RPH3A: variants seen among roughly 807,000 people sequenced by gnomAD.
RPH3A encodes rabphilin-3A.
Under a neutral mutation model 102.2 loss-of-function variants are expected in RPH3A, and 48 were observed. That is an observed-to-expected ratio of 0.47 (90% confidence interval 0.37 to 0.60). The LOEUF (loss-of-function observed/expected upper bound fraction) is 0.60. Ranked by LOEUF, RPH3A falls within the 20% of genes least tolerant of loss-of-function variation. The pLI is 0.00. For synonymous variants in RPH3A, 310 were observed against 324.3 expected (o/e 0.96, Z 0.47); for missense variants, 781 against 910.1 (o/e 0.86, Z 1.83).
At chr12:112,850,989 T>C (rs2042313691) in intron 5 of RPH3A, 1 of 152,220 alleles carries the variant, frequency 6.6e-6, no homozygotes, top group Non-Finnish European at 1.5e-5. Context: ...AAATCGCCAA[T>C]GTAGCTGTGT....
At chr12:112,672,427 C>T (rs958968621) in intron 1 of RPH3A, among the ~76,000 whole-genome samples, 1 of 152,196 alleles carries the variant, frequency 6.6e-6, no homozygotes, top group African/African-American at 2.4e-5. Flanking sequence ...GGCACCATGG[C>T]CTAGCCATCA....
chr12:112,752,272 G>A (rs2040790266), intron 1 of RPH3A, among the ~76,000 whole-genome samples: 1 of 152,060 alleles, frequency 6.6e-6, no homozygotes, highest in African/African-American at 2.4e-5. Context: ...AAATGGTATG[G>A]CTCATAGAAA....
intron 1 of RPH3A, among the ~76,000 whole-genome samples, chr12:112,652,414 C>T (rs1258659811): frequency 6.6e-6 from 1 of 152,148 alleles, no homozygotes; most frequent in Non-Finnish European, 1.5e-5. Context: ...GAACTTGAGG[C>T]TGTCATGATC....
intron 2 of RPH3A, among the ~76,000 whole-genome samples, chr12:112,804,174 T>C (rs537689503): frequency 2.2e-4 from 34 of 152,294 alleles, no homozygotes; most frequent in African/African-American, 7.0e-4. Context: ...GATTGCAAGA[T>C]TAGTTAGGAA....
intron 1 of RPH3A, among the ~76,000 whole-genome samples, chr12:112,753,242 C>G (rs971967523): frequency 2.0e-5 from 3 of 152,126 alleles, no homozygotes; most frequent in African/African-American, 7.2e-5. Flanking sequence ...GTGAGGGATT[C>G]TGGGCAGAGC....
chr12:112,660,560 C>T (rs2040042231), intron 1 of RPH3A, among the ~76,000 whole-genome samples: 1 of 152,110 alleles, frequency 6.6e-6, no homozygotes, highest in Non-Finnish European at 1.5e-5. Context: ...TGGTTCACCT[C>T]TGTAATCCCA....
chr12:112,815,765 A>G (rs1405185233), intron 2 of RPH3A, among the ~76,000 whole-genome samples: 1 of 152,116 alleles, frequency 6.6e-6, no homozygotes, highest in Non-Finnish European at 1.5e-5. Flanking sequence ...GTCTAATCAC[A>G]TTTTCTGTGT....
In RPH3A at chr12:112,648,570, CAAAAA is replaced by C. The variant is rs1167121829; in HGVS notation, c.-140+73275_-140+73279del. 7.2e-4 allele frequency among the ~76,000 whole-genome samples: 8 copies of C among 11,042 alleles called. No homozygotes were observed. The South Asian group carries it at 0.018, about 24-fold the overall frequency. 7.2% of individuals were successfully genotyped at this position (11,042 alleles called of 152,430 possible). A position where few individuals can be genotyped will look rare whatever the true frequency, so the allele number is the denominator to read the frequency against. On this transcript the variant is annotated intron_variant, in intron 1 of 21. Transcript: ENST00000543106. ...GCAACAGAGTGAAACCCCATCTCTA[CAAAAA>C]AAAAAAAAAAAAAAAAAAAAAAAGC...
intron 1 of RPH3A, among the ~76,000 whole-genome samples, chr12:112,585,127 G>A (rs565085458): frequency 7.9e-4 from 120 of 152,302 alleles, no homozygotes; most frequent in Admixed American, 1.7e-3. Context: ...GGAGAAAGAT[G>A]CAGGCTGGAA....
chr12:112,881,144 T>G (rs2042902147), intron 14 of RPH3A, among the ~76,000 whole-genome samples: 1 of 152,214 alleles, frequency 6.6e-6, no homozygotes, highest in Admixed American at 6.5e-5. Flanking sequence ...CTGGTCTGAA[T>G]GTAGGGGATG....
chr12:112,667,700 G>C (rs1226317038), intron 1 of RPH3A, among the ~76,000 whole-genome samples: 1 of 144,242 alleles, frequency 6.9e-6, no homozygotes, highest in Non-Finnish European at 1.5e-5. Flanking sequence ...GAGAGAGAGA[G>C]AGAGAGAGAG....
rs1329663291 is a variant in RPH3A at position 112,678,305 on chromosome 12, G to GAAAGAA, written c.-140+102987_-140+102988insAAGAAA. ...AGAAAGAAAGAAAGAAAGAAAGAAA[G>GAAAGAA]AGAGAGAGAGAGAAAGAAAGAAAGA... On this transcript the variant is annotated intron_variant, in intron 1 of 21. Coordinates refer to the RPH3A transcript ENST00000543106. Among the ~76,000 whole-genome samples the GAAAGAA allele has an allele frequency of 2.1e-4, 24 of 111,962 alleles. 3 individuals are homozygous for GAAAGAA. Among genetic ancestry groups the GAAAGAA allele is most frequent in the East Asian group, 1.8e-3 (6 of 3,256 alleles). The allele number at this position is 111,962 out of a possible 152,430, so 73.5% of individuals were successfully genotyped here. A position where few individuals can be genotyped will look rare whatever the true frequency, so the allele number is the denominator to read the frequency against.
At chr12:112,853,782 C>T (rs566282922) in intron 5 of RPH3A, among the ~76,000 whole-genome samples, 101 of 151,424 alleles carry the variant, frequency 6.7e-4, no homozygotes, top group Non-Finnish European at 9.3e-4. Context: ...GAGCCAAGAT[C>T]GTGACACTGC....
intron 1 of RPH3A, among the ~76,000 whole-genome samples, chr12:112,612,509 C>T (rs2039646471): frequency 6.6e-6 from 1 of 151,524 alleles, no homozygotes; most frequent in Admixed American, 6.6e-5. Context: ...AGTGTCTGGG[C>T]CCTAGAGGAT....
At chr12:112,697,779 C>T (rs1379190838) in intron 1 of RPH3A, among the ~76,000 whole-genome samples, 2 of 152,020 alleles carry the variant, frequency 1.3e-5, no homozygotes. Flanking sequence ...GCATAAGAAT[C>T]GCTTGAATCC....
At chr12:112,793,134 A>T (rs553801898) in intron 2 of RPH3A, among the ~76,000 whole-genome samples, 2 of 152,278 alleles carry the variant, frequency 1.3e-5, no homozygotes, top group South Asian at 4.2e-4. Flanking sequence ...CAAGATCCTG[A>T]TGGGGAAAGG....
chr12:112,599,917 G>A (rs1462513145), intron 1 of RPH3A, among the ~76,000 whole-genome samples: 1 of 152,154 alleles, frequency 6.6e-6, no homozygotes, highest in African/African-American at 2.4e-5. Flanking sequence ...CAGATAAGTG[G>A]CTTCACCCTC....
intron 1 of RPH3A, among the ~76,000 whole-genome samples, chr12:112,749,469 C>T (rs149111618): frequency 4.0e-4 from 61 of 152,232 alleles, no homozygotes; most frequent in African/African-American, 1.3e-3. Flanking sequence ...TTCTACTCTC[C>T]GACTCTCAGA....
At chr12:112,873,739 G>T (rs1450361020) in intron 10 of RPH3A, 1 of 152,214 alleles carries the variant, frequency 6.6e-6, no homozygotes, top group African/African-American at 2.4e-5. Context: ...TACCATGCAT[G>T]GCATTGAGTT....
Sources: gnomAD v4.1 joint callset for allele counts (sites outside exome capture counted in the v4.1 genomes callset) on GRCh38, gnomAD v4.1.1 for gene constraint, MANE v1.5 for transcripts, NCBI Gene and HGNC (gene_info 2026-07-23, HGNC 2026-07-21) for gene names.